MAGI2: variants seen among roughly 807,000 people sequenced by gnomAD.
MAGI2 encodes membrane associated guanylate kinase, WW and PDZ domain containing 2.
A neutral mutation model predicts 133.3 loss-of-function variants in MAGI2; 35 were observed. The observed-to-expected ratio is 0.26, with a 90% CI of 0.20 to 0.35. The LOEUF is 0.35. Ranked by LOEUF, MAGI2 falls within the 10% of genes least tolerant of loss-of-function variation. MAGI2 has a pLI of 1.00. For synonymous variants in MAGI2, 729 were observed against 710.6 expected (o/e 1.03, Z -0.41); for missense variants, 1,636 against 1,863.4 (o/e 0.88, Z 2.25).
At chr7:79,164,301 C>A (rs1427280104) in intron 1 of MAGI2, among the ~76,000 whole-genome samples, 1 of 152,052 alleles carries the variant, frequency 6.6e-6, no homozygotes, top group Non-Finnish European at 1.5e-5. Context: ...CAATCTGACT[C>A]TGGCATAACA....
intron 1 of MAGI2, among the ~76,000 whole-genome samples, chr7:79,159,508 ACT>A (rs935680015): frequency 1.8e-5 from 2 of 108,906 alleles, no homozygotes; most frequent in African/African-American, 7.0e-5. Context: ...ACAGAGTGAG[ACT>A]CAGTCTCAAA....
chr7:79,234,980 T>G (rs1451861595), intron 1 of MAGI2, among the ~76,000 whole-genome samples: 2 of 151,940 alleles, frequency 1.3e-5, no homozygotes, highest in Non-Finnish European at 2.9e-5. Flanking sequence ...TTGGTGTGGA[T>G]GTCCTTTCTG....
At chr7:79,417,702 A>T (rs1393765921) in intron 1 of MAGI2, among the ~76,000 whole-genome samples, 2 of 151,780 alleles carry the variant, frequency 1.3e-5, no homozygotes, top group East Asian at 1.9e-4. Context: ...CTTAAATAAT[A>T]TTGTCCAGGC....
At chr7:78,859,141 G>A (rs553731886) in intron 2 of MAGI2, among the ~76,000 whole-genome samples, 9 of 151,890 alleles carry the variant, frequency 5.9e-5, no homozygotes, top group African/African-American at 1.9e-4. Flanking sequence ...GTCTCTGCAC[G>A]TGAGATGGGT....
chr7:78,840,296 T>A (rs554292905), intron 2 of MAGI2, among the ~76,000 whole-genome samples: 1 of 152,066 alleles, frequency 6.6e-6, no homozygotes. Context: ...ATTGGTTTTT[T>A]AAAATTGCTT....
At chr7:78,544,336 G>T (rs1798642426) in intron 3 of MAGI2, among the ~76,000 whole-genome samples, 1 of 152,206 alleles carries the variant, frequency 6.6e-6, no homozygotes, top group African/African-American at 2.4e-5. Flanking sequence ...CAGGAGTCAA[G>T]ACATTGACTA....
rs150730541 is a variant in MAGI2 at position 78,787,193 on chromosome 7, G to A, written c.419-159954C>T. On this transcript the variant is annotated intron_variant, in intron 2 of 21. Transcript: ENST00000354212. ...GATCTCCTGACCTCATGATCTGCCC[G>A]CCTTGGCCTCCCAAAGTGCTGGGAT... is the stretch of plus-strand genomic sequence containing the variant. Among the ~76,000 whole-genome samples, 1,433 of 152,184 alleles carry A rather than the reference G, an allele frequency of 9.4e-3. 11 individuals are homozygous for A. The highest frequency in any genetic ancestry group is 0.014 in the Non-Finnish European group (974 of 68,000).
At chr7:78,806,044 A>C (rs1048203863) in intron 2 of MAGI2, among the ~76,000 whole-genome samples, 9 of 152,196 alleles carry the variant, frequency 5.9e-5, no homozygotes, top group Non-Finnish European at 5.9e-5. Flanking sequence ...TGTGTTATAT[A>C]ACAATCACGA....
chr7:79,009,280 G>A (rs903625441), intron 1 of MAGI2, among the ~76,000 whole-genome samples: 2 of 151,174 alleles, frequency 1.3e-5, no homozygotes, highest in Admixed American at 6.6e-5. Flanking sequence ...ATCTACCTCA[G>A]AAAACAACAA....
At chr7:79,214,399 C>CTA (rs1563003266) in intron 1 of MAGI2, among the ~76,000 whole-genome samples, 39 of 72,102 alleles carry the variant, frequency 5.4e-4, no homozygotes, top group African/African-American at 6.6e-4. Context: ...CTCTCTCTCT[C>CTA]TCTCTCTCTA....
chr7:78,879,630 G>A lies in MAGI2; in HGVS notation c.418+127460C>T, dbSNP rs114473966. On this transcript the variant is annotated intron_variant, in intron 2 of 21. Transcript: ENST00000354212. ...TTACAAAATTAGTAGTGCCATAAGC[G>A]CCAGGTGAGAAGGAGCCAGCACAAG... 1.2e-3 allele frequency among the ~76,000 whole-genome samples: 180 copies of A among 152,028 alleles called. 2 individuals carry two copies. Among genetic ancestry groups the A allele is most frequent in the African/African-American group, 3.9e-3 (163 of 41,474 alleles).
chr7:78,268,752 T>C (rs1382605052), intron 9 of MAGI2, among the ~76,000 whole-genome samples: 1 of 152,200 alleles, frequency 6.6e-6, no homozygotes. Flanking sequence ...TACATTTGAC[T>C]GCTTGAACTG....
intron 1 of MAGI2, among the ~76,000 whole-genome samples, chr7:79,149,332 T>C (rs1398431300): frequency 6.6e-6 from 1 of 151,658 alleles, no homozygotes; most frequent in East Asian, 1.9e-4. Flanking sequence ...TCAATGCTGA[T>C]TACCACACGC....
intron 2 of MAGI2, among the ~76,000 whole-genome samples, chr7:78,926,065 T>C (rs1216156467): frequency 6.6e-6 from 1 of 152,016 alleles, no homozygotes; most frequent in Admixed American, 6.6e-5. Flanking sequence ...TCCAGCCGAA[T>C]TTCTACCACT....
At chr7:78,383,775 A>G (rs376577312) in intron 6 of MAGI2, among the ~76,000 whole-genome samples, 3 of 152,100 alleles carry the variant, frequency 2.0e-5, no homozygotes, top group Middle Eastern at 3.4e-3. Context: ...TGATTTTTGT[A>G]TATAGTGAGA....
intron 1 of MAGI2, among the ~76,000 whole-genome samples, chr7:79,401,080 G>C (rs1294885660): frequency 1.3e-5 from 2 of 152,130 alleles, no homozygotes; most frequent in African/African-American, 4.8e-5. Flanking sequence ...AATTTTCAAA[G>C]ATTTTTACAT....
chr7:78,866,023 A>C (rs1330404768), intron 2 of MAGI2, among the ~76,000 whole-genome samples: 2 of 152,200 alleles, frequency 1.3e-5, no homozygotes, highest in Non-Finnish European at 2.9e-5. Context: ...AGAGAGTACA[A>C]TCAGGAGTGC....
chr7:78,895,206 G>T (rs1318405827), intron 2 of MAGI2, among the ~76,000 whole-genome samples: 1 of 152,086 alleles, frequency 6.6e-6, no homozygotes, highest in African/African-American at 2.4e-5. Context: ...CTCTCTTGGT[G>T]CTCTCTTGCC....
intron 2 of MAGI2, among the ~76,000 whole-genome samples, chr7:78,890,038 A>C (rs975287302): frequency 6.6e-5 from 10 of 152,228 alleles, no homozygotes; most frequent in Non-Finnish European, 8.8e-5. Flanking sequence ...AGGAAGATCT[A>C]CCAAGCAAAT....
Sources: gnomAD v4.1 joint callset for allele counts (sites outside exome capture counted in the v4.1 genomes callset) on GRCh38, gnomAD v4.1.1 for gene constraint, MANE v1.5 for transcripts, NCBI Gene and HGNC (gene_info 2026-07-23, HGNC 2026-07-21) for gene names.